The following ESRRG variants were observed in gnomAD, a reference collection of about 807,000 sequenced individuals.
The protein encoded by ESRRG is estrogen-related receptor gamma.
ESRRG carries 13 observed loss-of-function variants against 44.0 expected under a neutral mutation model. The observed-to-expected ratio is 0.30, with a 90% CI of 0.19 to 0.47. The LOEUF (loss-of-function observed/expected upper bound fraction) is 0.47, where lower values mean the gene tolerates loss of function less well. ESRRG is among the 20% of genes least tolerant of loss of function. ESRRG has a pLI of 1.00. For missense variants in ESRRG, 395 were observed against 580.6 expected, an observed-to-expected ratio of 0.68 and a Z score of 3.29; for synonymous variants, 215 against 214.6, an observed-to-expected ratio of 1.00 and a Z score of -0.02.
chr1:216,539,599 C>T (rs1288675676), intron 5 of ESRRG, among the ~76,000 whole-genome samples: 3 of 152,012 alleles, frequency 2.0e-5, no homozygotes, highest in Non-Finnish European at 1.5e-5. Flanking sequence ...TTTTCTGTCT[C>T]CTTCACTAGA....
intron 1 of ESRRG, among the ~76,000 whole-genome samples, chr1:216,998,942 C>T (rs866302357): frequency 9.9e-5 from 15 of 152,172 alleles, no homozygotes; most frequent in Middle Eastern, 3.2e-3. Context: ...GTTCATATAA[C>T]CCATGAACCA....
At chr1:216,929,111 A>T (rs533221516) in intron 2 of ESRRG, among the ~76,000 whole-genome samples, 1 of 152,242 alleles carries the variant, frequency 6.6e-6, no homozygotes, top group East Asian at 1.9e-4. Flanking sequence ...TTCTCACCAC[A>T]GTTAAAAAAA....
intron 5 of ESRRG, among the ~76,000 whole-genome samples, chr1:216,533,145 C>T (rs2049901359): frequency 6.6e-6 from 1 of 151,964 alleles, no homozygotes; most frequent in South Asian, 2.1e-4. Flanking sequence ...TGTAAATGCA[C>T]ATCCATGTGT....
chr1:216,946,198 T>C (rs1168806243), intron 1 of ESRRG, among the ~76,000 whole-genome samples: 3 of 152,176 alleles, frequency 2.0e-5, no homozygotes, highest in African/African-American at 7.2e-5. Flanking sequence ...TTGATCAGCC[T>C]CAGCTTGTGT....
At chr1:216,922,131 C>T (rs1304115476) in intron 2 of ESRRG, among the ~76,000 whole-genome samples, 2 of 152,132 alleles carry the variant, frequency 1.3e-5, no homozygotes, top group Non-Finnish European at 2.9e-5. Flanking sequence ...CCAGTCTCTG[C>T]CTCTGTAAAC....
chr1:217,004,575 AAACT>A (rs1374990078), intron 1 of ESRRG, among the ~76,000 whole-genome samples: 5 of 152,180 alleles, frequency 3.3e-5, no homozygotes, highest in African/African-American at 4.8e-5. Flanking sequence ...ATTAGCGTGA[AAACT>A]AACTAATATA....
At chr1:216,989,135 A>G (rs949439245) in intron 1 of ESRRG, among the ~76,000 whole-genome samples, 2 of 151,992 alleles carry the variant, frequency 1.3e-5, no homozygotes, top group African/African-American at 4.8e-5. Context: ...AAAACTCAAC[A>G]CCAGATATCG....
At chr1:216,780,927 A>G (rs79493770) in intron 2 of ESRRG, among the ~76,000 whole-genome samples, 2,976 of 152,170 alleles carry the variant, frequency 0.02, 96 homozygotes, top group African/African-American at 0.066. Flanking sequence ...AAGATCATTT[A>G]TTTATCAACA....
At chr1:216,822,543 C>T (rs974160390) in intron 2 of ESRRG, among the ~76,000 whole-genome samples, 18 of 152,108 alleles carry the variant, frequency 1.2e-4, no homozygotes, top group African/African-American at 4.1e-4. Flanking sequence ...GTTTCCCAGT[C>T]CTCCTCTCCA....
At chr1:216,885,785 C>T (rs1559985047) in intron 2 of ESRRG, among the ~76,000 whole-genome samples, 1 of 151,930 alleles carries the variant, frequency 6.6e-6, no homozygotes, top group Non-Finnish European at 1.5e-5. Flanking sequence ...CCCAAATATA[C>T]GGGCTATCTT....
intron 2 of ESRRG, among the ~76,000 whole-genome samples, chr1:216,893,693 G>T (rs768220415): frequency 2.6e-5 from 4 of 151,892 alleles, no homozygotes; most frequent in Non-Finnish European, 4.4e-5. Flanking sequence ...ACATACTAAA[G>T]TATGTATTTC....
chr1:216,568,930 T>G (rs1165175815), intron 3 of ESRRG, among the ~76,000 whole-genome samples: 1 of 151,950 alleles, frequency 6.6e-6, no homozygotes, highest in Non-Finnish European at 1.5e-5. Flanking sequence ...GGTGCATGCC[T>G]GTAATCCCAG....
upstream of ESRRG, among the ~76,000 whole-genome samples, chr1:217,093,488 A>C (rs2092379765): frequency 6.6e-6 from 1 of 152,124 alleles, no homozygotes; most frequent in Non-Finnish European, 1.5e-5. Context: ...CCATGCAAAA[A>C]TATGTTCAAA....
intron 2 of ESRRG, among the ~76,000 whole-genome samples, chr1:216,872,519 T>C (rs2096272931): frequency 6.6e-6 from 1 of 152,150 alleles, no homozygotes; most frequent in South Asian, 2.1e-4. Context: ...GTTTATCAGA[T>C]TGGATAATTT....
chr1:216,647,064 C>CAG (rs1475245780), intron 3 of ESRRG, among the ~76,000 whole-genome samples: 13 of 152,186 alleles, frequency 8.5e-5, no homozygotes, highest in African/African-American at 3.1e-4. Flanking sequence ...AGTGAGCAAA[C>CAG]TGAGCTAGTA....
At chr1:216,630,988 T>G (rs574279241) in intron 3 of ESRRG, among the ~76,000 whole-genome samples, 1 of 151,968 alleles carries the variant, frequency 6.6e-6, no homozygotes, top group African/African-American at 2.4e-5. Context: ...TTTTTAAATA[T>G]ACATAAATTT....
intron 2 of ESRRG, among the ~76,000 whole-genome samples, chr1:216,755,294 T>C (rs569860937): frequency 3.3e-5 from 5 of 152,134 alleles, no homozygotes; most frequent in African/African-American, 1.2e-4. Flanking sequence ...TGATTTGCCT[T>C]TAAAGCAAAA....
At chr1:216,967,015 T>C (rs1436280301) in intron 1 of ESRRG, among the ~76,000 whole-genome samples, 1 of 152,108 alleles carries the variant, frequency 6.6e-6, no homozygotes, top group Non-Finnish European at 1.5e-5. Context: ...TACCTGAGTT[T>C]CCTAAACAAG....
chr1:217,125,612 A>G (rs2102515463), intron 1 of ESRRG, among the ~76,000 whole-genome samples: 1 of 152,310 alleles, frequency 6.6e-6, no homozygotes, highest in Admixed American at 6.5e-5. Flanking sequence ...TATTGTATGG[A>G]AGTAGGGTCC....
Sources: allele counts gnomAD v4.1 joint callset (sites outside exome capture counted in the v4.1 genomes callset), GRCh38; gene constraint gnomAD v4.1.1; transcripts MANE v1.5; gene names NCBI Gene and HGNC (gene_info 2026-07-23, HGNC 2026-07-21).